ERICH3: variants seen among roughly 807,000 people sequenced by gnomAD.
ERICH3 encodes glutamate rich 3.
Under a neutral mutation model 131.1 loss-of-function variants are expected in ERICH3, and 126 were observed. The observed-to-expected ratio is 0.96, with a 90% CI of 0.83 to 1.11. The LOEUF is 1.11. Ranked by LOEUF, ERICH3 falls within the 50% of genes most tolerant of loss-of-function variation. The pLI is 0.00. For synonymous variants in ERICH3, 695 were observed against 644.6 expected (o/e 1.08, Z -1.18); for missense variants, 2,050 against 1,810.7 (o/e 1.13, Z -2.40).
chr1:74,612,895 C>T lies in ERICH3; in HGVS notation c.1001-86G>A, dbSNP rs1025506370. The T allele has an allele frequency of 8.5e-6, 10 of 1,175,302 alleles. No individual in the cohort carries two copies. The African/African-American group carries it at 1.2e-4, about 14-fold the overall frequency. The allele number at this position is 1,175,302 out of a possible 1,614,324, so 72.8% of individuals were successfully genotyped here. On this transcript the variant is annotated intron_variant, in intron 8 of 14. Coordinates refer to ENST00000326665, the MANE Select transcript of ERICH3 (RefSeq NM_001002912.5). ...ATCATGTTTTTCTATTAGATAAACACAATATTATGATCTAGATCAGGGGTG... is the reference window on the plus strand; with the variant it reads ...ATCATGTTTTTCTATTAGATAAACATAATATTATGATCTAGATCAGGGGTG...
intron 9 of ERICH3, 77 bp downstream of exon 9, chr1:74,612,546 A>AG: frequency 7.9e-7 from 1 of 1,264,240 alleles, no homozygotes; most frequent in South Asian, 2.0e-5. Flanking sequence ...AATTGTGAAG[A>AG]GAAATGCATT....
At chr1:74,639,020 T>G (rs916968710) in intron 5 of ERICH3, among the ~76,000 whole-genome samples, 23 of 152,012 alleles carry the variant, frequency 1.5e-4, no homozygotes, top group South Asian at 4.1e-4. Context: ...TCACAACCAA[T>G]ATGAGAAGCC....
intron 5 of ERICH3, among the ~76,000 whole-genome samples, chr1:74,637,551 A>C (rs1057244278): frequency 6.6e-6 from 1 of 152,178 alleles, no homozygotes; most frequent in African/African-American, 2.4e-5. Context: ...TACTGCAGCA[A>C]ATGCCAAAAG....
chr1:74,672,176 A>G (rs1038908947), intron 1 of ERICH3, among the ~76,000 whole-genome samples: 7 of 152,232 alleles, frequency 4.6e-5, no homozygotes, highest in African/African-American at 1.7e-4. Flanking sequence ...ATAGGAAGAC[A>G]ACCATGACTG....
chr1:74,666,779 A>T (rs1238734483), intron 1 of ERICH3, among the ~76,000 whole-genome samples: 1 of 76,240 alleles, frequency 1.3e-5, no homozygotes, highest in Non-Finnish European at 3.1e-5. Flanking sequence ...CTACCTGGTT[A>T]AAAAAAAATC....
chr1:74,668,916 G>T (rs1280498906), intron 1 of ERICH3, among the ~76,000 whole-genome samples: 4 of 152,136 alleles, frequency 2.6e-5, no homozygotes, highest in Non-Finnish European at 5.9e-5. Context: ...GTGCAAGTGG[G>T]TAACAAACAG....
chr1:74,579,256 C>T, intron 12 of ERICH3: 1 of 381,028 alleles, frequency 2.6e-6, no homozygotes, highest in Non-Finnish European at 3.6e-6. Context: ...AGTGCTAAGA[C>T]ATCAAAGCTT....
At chr1:74,601,056 A>G (rs1203732389) in intron 10 of ERICH3, among the ~76,000 whole-genome samples, 1 of 151,942 alleles carries the variant, frequency 6.6e-6, no homozygotes, top group South Asian at 2.1e-4. Flanking sequence ...ATCAAAACCT[A>G]TAACAAAGAA....
intron 2 of ERICH3, among the ~76,000 whole-genome samples, chr1:74,647,792 C>T (rs967497247): frequency 2.0e-5 from 3 of 152,234 alleles, no homozygotes; most frequent in South Asian, 4.1e-4. Context: ...TAAGATCAAC[C>T]AGAGTTGTGC....
At chr1:74,643,518 A>G (rs1244726730) in intron 3 of ERICH3, among the ~76,000 whole-genome samples, 1 of 152,152 alleles carries the variant, frequency 6.6e-6, no homozygotes, top group Non-Finnish European at 1.5e-5. Context: ...AATATAATTG[A>G]TCATTTAAAT....
chr1:74,596,254 G>A (rs2100572002), intron 11 of ERICH3, among the ~76,000 whole-genome samples: 1 of 151,910 alleles, frequency 6.6e-6, no homozygotes, highest in African/African-American at 2.4e-5. Flanking sequence ...TCTCTTCTCT[G>A]TCTCTTTATC....
chr1:74,642,760 A>C (rs1646447498), intron 4 of ERICH3, among the ~76,000 whole-genome samples: 2 of 152,136 alleles, frequency 1.3e-5, no homozygotes, highest in South Asian at 4.1e-4. Flanking sequence ...AAGAATATAT[A>C]AAAGCAAAAT....
chr1:74,586,682 G>A (rs75543448), intron 12 of ERICH3, among the ~76,000 whole-genome samples: 2,503 of 151,904 alleles, frequency 0.016, 85 homozygotes, highest in African/African-American at 0.057. Flanking sequence ...GTGAAAGTAA[G>A]AAAAAATATA....
chr1:74,584,668 T>C (rs148242360), intron 12 of ERICH3, among the ~76,000 whole-genome samples: 152 of 152,262 alleles, frequency 1.0e-3, no homozygotes, highest in African/African-American at 3.4e-3. Flanking sequence ...TTATTTTCCT[T>C]CTATTACTTA....
upstream of ERICH3, among the ~76,000 whole-genome samples, chr1:74,674,150 G>T (rs1646766593): frequency 6.6e-6 from 1 of 152,184 alleles, no homozygotes; most frequent in Admixed American, 6.5e-5. Context: ...ATTTGTTTCT[G>T]CATCTGTAAG....
At chr1:74,666,289 A>G in intron 1 of ERICH3, among the ~76,000 whole-genome samples, 1 of 152,192 alleles carries the variant, frequency 6.6e-6, no homozygotes, top group East Asian at 1.9e-4. Flanking sequence ...CCCATAAGAG[A>G]ATAAGAAATT....
rs1389894867 is a variant in ERICH3 at position 74,620,731 on chromosome 1, T to G, written c.1000+3A>C. On this transcript the variant is annotated splice_donor_region_variant and intron_variant, in intron 8 of 14. Coordinates refer to ENST00000326665, the MANE Select transcript of ERICH3 (RefSeq NM_001002912.5). ...TTAAAAAACATTCACATTTTATGTG[T>G]ACCTTTTTCAAGTAGTTTGCCTTTG... 1 of 1,595,440 alleles carries G rather than the reference T, an allele frequency of 6.3e-7. No homozygotes were observed. Among genetic ancestry groups the G allele is most frequent in the Non-Finnish European group, 8.5e-7 (1 of 1,171,604 alleles).
intron 10 of ERICH3, among the ~76,000 whole-genome samples, chr1:74,604,901 A>G (rs564519522): frequency 6.6e-6 from 1 of 151,922 alleles, no homozygotes; most frequent in Non-Finnish European, 1.5e-5. Context: ...GCATTAACCC[A>G]TAAAAGAAGA....
intron 11 of ERICH3, among the ~76,000 whole-genome samples, chr1:74,594,667 A>G (rs1165819953): frequency 6.6e-6 from 1 of 152,088 alleles, no homozygotes; most frequent in African/African-American, 2.4e-5. Context: ...ACATGTTCAT[A>G]AAGGTATTGG....
Sources: allele counts gnomAD v4.1 joint callset (sites outside exome capture counted in the v4.1 genomes callset), GRCh38; gene constraint gnomAD v4.1.1; transcripts MANE v1.5; gene names NCBI Gene and HGNC (gene_info 2026-07-23, HGNC 2026-07-21).